CARMIL1: variants seen among roughly 807,000 people sequenced by gnomAD.
CARMIL1 encodes the protein capping protein regulator and myosin 1 linker 1, also known as F-actin-uncapping protein LRRC16A.
Under a neutral mutation model 177.1 loss-of-function variants are expected in CARMIL1, and 90 were observed. The observed-to-expected ratio is 0.51, with a 90% confidence interval of 0.43 to 0.61. The LOEUF (loss-of-function observed/expected upper bound fraction) is 0.61. Among genes scored for constraint, CARMIL1 ranks in the 20% least tolerant of loss-of-function variants. The pLI is 0.00. For synonymous variants in CARMIL1, 577 were observed against 606.2 expected, an observed-to-expected ratio of 0.95 and a Z score of 0.71; for missense variants, 1,380 against 1,667.0, an observed-to-expected ratio of 0.83 and a Z score of 3.00.
intron 10 of CARMIL1, among the ~76,000 whole-genome samples, 166 bp from the exon 11 acceptor site, chr6:25,472,261 A>G (rs1211143689): frequency 1.3e-5 from 2 of 152,152 alleles, no homozygotes; most frequent in African/African-American, 4.8e-5. Context: ...TGGCTTTACA[A>G]ATTCTCTAAT....
At chr6:25,337,705 A>G (rs1786414436) in intron 2 of CARMIL1, among the ~76,000 whole-genome samples, 1 of 152,222 alleles carries the variant, frequency 6.6e-6, no homozygotes, top group Admixed American at 6.5e-5. Flanking sequence ...AGGAATGAAG[A>G]CAATGCAGTG....
chr6:25,505,765 G>T (rs895954701), intron 17 of CARMIL1, among the ~76,000 whole-genome samples: 5 of 152,028 alleles, frequency 3.3e-5, no homozygotes, highest in African/African-American at 1.2e-4. Flanking sequence ...GTGCATTCTT[G>T]TATGTTTAAA....
chr6:25,426,272 C>T (rs2150723573), intron 3 of CARMIL1, among the ~76,000 whole-genome samples: 1 of 152,166 alleles, frequency 6.6e-6, no homozygotes, highest in South Asian at 2.1e-4. Context: ...CCTTTCTTTT[C>T]TTTTTTAGTA....
At chr6:25,548,631 T>C (rs1007948996) in intron 26 of CARMIL1, among the ~76,000 whole-genome samples, 2 of 152,168 alleles carry the variant, frequency 1.3e-5, no homozygotes, top group Non-Finnish European at 1.5e-5. Context: ...TCCTCTCTTA[T>C]CTTTCTCCCA....
At chr6:25,472,135 A>G (rs563446291) in intron 10 of CARMIL1, among the ~76,000 whole-genome samples, 1 of 149,708 alleles carries the variant, frequency 6.7e-6, no homozygotes, top group Non-Finnish European at 1.5e-5. Context: ...TTTTTTTTTT[A>G]AATTATGGAG....
chr6:25,600,988 T>C (rs1815342485), intron 33 of CARMIL1, among the ~76,000 whole-genome samples: 1 of 152,190 alleles, frequency 6.6e-6, no homozygotes, highest in Non-Finnish European at 1.5e-5. Flanking sequence ...ATCAGCTGTG[T>C]TTTTTGTACC....
intron 12 of CARMIL1, among the ~76,000 whole-genome samples, chr6:25,485,232 G>A (rs1802513039): frequency 6.6e-6 from 1 of 152,060 alleles, no homozygotes; most frequent in South Asian, 2.1e-4. Context: ...GGTAACAGTG[G>A]GGAGGTCCTA....
intron 8 of CARMIL1, among the ~76,000 whole-genome samples, chr6:25,453,149 A>G (rs1351154930): frequency 6.6e-6 from 1 of 152,218 alleles, no homozygotes; most frequent in Admixed American, 6.5e-5. Context: ...TGATATTATA[A>G]AAGTTTTTTG....
intron 31 of CARMIL1, among the ~76,000 whole-genome samples, chr6:25,588,742 C>G (rs1300634252): frequency 6.6e-6 from 1 of 152,196 alleles, no homozygotes; most frequent in Non-Finnish European, 1.5e-5. Context: ...GGAAAGAACA[C>G]TGGACTGGGA....
intron 20 of CARMIL1, 100 bp downstream of exon 20, chr6:25,510,862 TATCAA>T: frequency 2.9e-6 from 2 of 683,998 alleles, no homozygotes; most frequent in South Asian, 4.2e-5. Context: ...CAGATAGTTT[TATCAA>T]CGTGTACATT....
Position 25,352,440 on chromosome 6 carries a change from G to A in CARMIL1, c.138+67531G>A, listed in dbSNP as rs75239906. On this transcript the variant is annotated intron_variant, in intron 2 of 36. Transcript: ENST00000329474. ...ATGTATATAACTCAGGGGAACGTCT[G>A]TGTAAGTTAACTACTAGAGAAACCT... 8.9e-3 allele frequency among the ~76,000 whole-genome samples: 1,351 copies of A among 152,040 alleles called. 21 individuals are homozygous for A. The highest frequency in any genetic ancestry group is 0.029 in the African/African-American group (1,221 of 41,478).
chr6:25,617,168 A>G (rs903329507), intron 36 of CARMIL1, among the ~76,000 whole-genome samples: 1 of 152,226 alleles, frequency 6.6e-6, no homozygotes, highest in Non-Finnish European at 1.5e-5. Context: ...TCAGTGACTC[A>G]AAAGAATCAA....
intron 11 of CARMIL1, among the ~76,000 whole-genome samples, chr6:25,472,865 C>T (rs138006997): frequency 6.3e-4 from 96 of 152,258 alleles, no homozygotes; most frequent in Non-Finnish European, 8.5e-4. Flanking sequence ...AGTCTGGGTA[C>T]GGGTTAGCTG....
Position 25,600,431 on chromosome 6 carries a change from A to G in CARMIL1, c.3237A>G (p.Lys1079=), listed in dbSNP as rs1291945924. 1.1e-5 allele frequency: 17 copies of G among 1,613,824 alleles called. No homozygotes were observed. The highest frequency in any genetic ancestry group is 1.3e-5 in the Non-Finnish European group (15 of 1,179,886). The part of the protein sequence containing the change: ...GFLNLIKSRS[K]SERPPTILMT... ...TCAATTTAATCAAATCCCGGTCCAA[A>G]TCCGAGCGACCACCAACGATCTTGA... The change falls in exon 33 of 37, where the codon AAA becomes AAG. Residue 1079 remains lysine (K), a synonymous_variant. Transcript: ENST00000329474.
intron 12 of CARMIL1, among the ~76,000 whole-genome samples, chr6:25,486,113 T>C (rs1177715113): frequency 6.6e-6 from 1 of 152,188 alleles, no homozygotes; most frequent in Non-Finnish European, 1.5e-5. Flanking sequence ...AACACTGCAA[T>C]AATAAGTAAC....
At chr6:25,334,328 A>C (rs1423045657) in intron 2 of CARMIL1, among the ~76,000 whole-genome samples, 2 of 152,182 alleles carry the variant, frequency 1.3e-5, no homozygotes, top group Non-Finnish European at 2.9e-5. Flanking sequence ...ACTTAGAGAG[A>C]GTGAATGTAT....
chr6:25,405,454 G>C (rs147645155), intron 2 of CARMIL1, among the ~76,000 whole-genome samples: 1 of 152,274 alleles, frequency 6.6e-6, no homozygotes, highest in East Asian at 1.9e-4. Flanking sequence ...ACAATCAAGG[G>C]CAAAATCAAG....
intron 11 of CARMIL1, among the ~76,000 whole-genome samples, chr6:25,478,080 TCA>T (rs1487846899): frequency 6.6e-6 from 1 of 152,034 alleles, no homozygotes; most frequent in African/African-American, 2.4e-5. Context: ...GCTTCTCCAC[TCA>T]CTCTATTCAA....
chr6:25,292,816 G>C (rs184980410), intron 2 of CARMIL1, among the ~76,000 whole-genome samples: 5 of 152,232 alleles, frequency 3.3e-5, no homozygotes, highest in East Asian at 3.9e-4. Context: ...TAAGTGATGG[G>C]GGGGAGTAGG....
Sources: gnomAD v4.1 joint callset for allele counts (sites outside exome capture counted in the v4.1 genomes callset) on GRCh38, gnomAD v4.1.1 for gene constraint, MANE v1.5 for transcripts, NCBI Gene and HGNC (gene_info 2026-07-23, HGNC 2026-07-21) for gene names.